Variants in ARFGEF1 observed in about 807,000 individuals in gnomAD.
ARFGEF1 encodes the protein brefeldin A-inhibited guanine nucleotide-exchange protein 1.
In ARFGEF1, 42 loss-of-function variants were observed where a neutral mutation model predicts 231.0. The observed-to-expected ratio is 0.18, with a 90% CI of 0.14 to 0.24. ARFGEF1 has a LOEUF of 0.24. Ranked by LOEUF, ARFGEF1 falls within the 10% of genes least tolerant of loss-of-function variation. The pLI, the probability that ARFGEF1 is intolerant of heterozygous loss-of-function variation, is 1.00. For missense variants in ARFGEF1, 1,345 were observed against 2,192.0 expected (o/e 0.61, Z 7.72); for synonymous variants, 710 against 732.3 (o/e 0.97, Z 0.49).
chr8:67,228,343 ACTAG>A lies in ARFGEF1; in HGVS notation c.3381-83_3381-80del, dbSNP rs1186023796. 3.3e-5 allele frequency: 45 copies of A among 1,352,484 alleles called. No individual in the cohort carries two copies. In the African/African-American group the frequency reaches 6.2e-4, roughly 19 times the overall value. 83.8% of individuals were successfully genotyped at this position (1,352,484 alleles called of 1,614,324 possible). A position where few individuals can be genotyped will look rare whatever the true frequency, so the allele number is the denominator to read the frequency against. On this transcript the variant is annotated intron_variant, in intron 23 of 38. Transcript: ENST00000262215. ...AATTGAAAAGTATGTGGCATGGGGTACTAGCTATTTTTATGTTTTAAGGGAACAA... is the reference window on the plus strand; with the variant it reads ...AATTGAAAAGTATGTGGCATGGGGTACTATTTTTATGTTTTAAGGGAACAA...
At chr8:67,225,937 C>A in intron 28 of ARFGEF1, 86 bp downstream of exon 28, 1 of 1,312,350 alleles carries the variant, frequency 7.6e-7, no homozygotes, top group Non-Finnish European at 1.0e-6. Context: ...ATAAATGCTT[C>A]ATATACCCTC....
At chr8:67,284,834 G>A (rs1339889050) in intron 7 of ARFGEF1, among the ~76,000 whole-genome samples, 2 of 152,112 alleles carry the variant, frequency 1.3e-5, no homozygotes, top group Non-Finnish European at 1.5e-5. Context: ...AAGAACAACT[G>A]CCCACTAAAA....
At chr8:67,211,122 G>T (rs1429699436) in intron 34 of ARFGEF1, among the ~76,000 whole-genome samples, 1 of 150,454 alleles carries the variant, frequency 6.6e-6, no homozygotes, top group Non-Finnish European at 1.5e-5. Context: ...GAGGCGGGCA[G>T]ATCACAAGGT....
At chr8:67,221,843 T>C (rs113493276) in intron 29 of ARFGEF1, among the ~76,000 whole-genome samples, 95 of 151,174 alleles carry the variant, frequency 6.3e-4, no homozygotes, top group African/African-American at 2.1e-3. Flanking sequence ...AGATGGAGTC[T>C]TGCTCTGTCG....
intron 33 of ARFGEF1, among the ~76,000 whole-genome samples, chr8:67,213,816 C>T (rs2129577942): frequency 6.6e-6 from 1 of 152,352 alleles, no homozygotes; most frequent in East Asian, 1.9e-4. Flanking sequence ...CAGCCCAAGG[C>T]TTTCCAGCCT....
chr8:67,200,013 G>A, intron 38 of ARFGEF1: 2 of 335,160 alleles, frequency 6.0e-6, no homozygotes, highest in Admixed American at 7.7e-5. Context: ...CAGAGCACAG[G>A]CCCAGGAACC....
At chr8:67,298,338 T>C (rs983652564) in intron 4 of ARFGEF1, among the ~76,000 whole-genome samples, 9 of 152,194 alleles carry the variant, frequency 5.9e-5, no homozygotes, top group Admixed American at 2.0e-4. Flanking sequence ...TGTAACAGAA[T>C]GAAAACATTA....
At chr8:67,263,113 A>G (rs16933220) in intron 14 of ARFGEF1, among the ~76,000 whole-genome samples, 165 of 152,162 alleles carry the variant, frequency 1.1e-3, no homozygotes, top group African/African-American at 3.7e-3. Context: ...CTGCTCCCAT[A>G]TATCATATCC....
intron 1 of ARFGEF1, among the ~76,000 whole-genome samples, chr8:67,330,723 G>A (rs893418600): frequency 6.6e-6 from 1 of 152,044 alleles, no homozygotes; most frequent in African/African-American, 2.4e-5. Flanking sequence ...AGATGCACAT[G>A]GTTCCATTCT....
chr8:67,303,308 A>G (rs1806586298), intron 1 of ARFGEF1, among the ~76,000 whole-genome samples: 1 of 152,224 alleles, frequency 6.6e-6, no homozygotes, highest in African/African-American at 2.4e-5. Flanking sequence ...TGACTATACA[A>G]GGCCCTATAA....
chr8:67,190,849 G>C, intron 5 of ARFGEF1: 1 of 902,634 alleles, frequency 1.1e-6, no homozygotes, highest in Non-Finnish European at 1.8e-6. Context: ...GCCCAATAAA[G>C]AGCACTTGCT....
intron 5 of ARFGEF1, among the ~76,000 whole-genome samples, chr8:67,176,204 G>T (rs1831585581): frequency 6.6e-6 from 1 of 152,078 alleles, no homozygotes; most frequent in African/African-American, 2.4e-5. Flanking sequence ...CCAGCCTTCA[G>T]GCCATCGAGG....
At chr8:67,196,659 A>ATTGT (rs1441859437), downstream of ARFGEF1, among the ~76,000 whole-genome samples, 1 of 152,164 alleles carries the variant, frequency 6.6e-6, no homozygotes, top group Non-Finnish European at 1.5e-5. Context: ...TAATCGGACC[A>ATTGT]TTGTTTGTTT....
At chr8:67,235,790 G>A (rs1380408174) in intron 22 of ARFGEF1, among the ~76,000 whole-genome samples, 3 of 152,012 alleles carry the variant, frequency 2.0e-5, no homozygotes, top group Non-Finnish European at 4.4e-5. Flanking sequence ...ACAACAGAGT[G>A]AGACCTTGTC....
chr8:67,227,091 CTTT>C, intron 27 of ARFGEF1, 43 bp downstream of exon 27: 1 of 1,140,480 alleles, frequency 8.8e-7, no homozygotes, highest in Non-Finnish European at 1.2e-6. Context: ...GTTAAGGTTG[CTTT>C]TTTTTTTTCC....
chr8:67,200,296 G>A (rs563576991), intron 38 of ARFGEF1, 100 bp downstream of exon 38: 83 of 853,406 alleles, frequency 9.7e-5, no homozygotes, highest in Non-Finnish European at 1.5e-4. Flanking sequence ...GGCACTGCTT[G>A]ATTCATCTCT....
intron 1 of ARFGEF1, among the ~76,000 whole-genome samples, chr8:67,309,420 A>T (rs1444455947): frequency 6.6e-6 from 1 of 152,244 alleles, no homozygotes; most frequent in Non-Finnish European, 1.5e-5. Context: ...TAGTATGCAG[A>T]CATTTAATAA....
intron 1 of ARFGEF1, among the ~76,000 whole-genome samples, chr8:67,303,387 T>C (rs576732828): frequency 2.0e-5 from 3 of 152,282 alleles, no homozygotes; most frequent in African/African-American, 7.2e-5. Context: ...TCAGATAAAT[T>C]AGACAAATCC....
chr8:67,307,770 C>G (rs886090931), intron 1 of ARFGEF1, among the ~76,000 whole-genome samples: 1 of 152,136 alleles, frequency 6.6e-6, no homozygotes, highest in African/African-American at 2.4e-5. Context: ...TCTGCCATAC[C>G]ACGTGTTCTT....
Sources: allele counts gnomAD v4.1 joint callset (sites outside exome capture counted in the v4.1 genomes callset), GRCh38; gene constraint gnomAD v4.1.1; transcripts MANE v1.5; gene names NCBI Gene and HGNC (gene_info 2026-07-23, HGNC 2026-07-21).